Variants in NPL observed in about 807,000 individuals in gnomAD.
NPL encodes N-acetylneuraminate pyruvate lyase.
In NPL, 32 loss-of-function variants were observed where a neutral mutation model predicts 41.1. The ratio of observed to expected loss-of-function variants is 0.78; its 90% CI spans 0.59 to 1.05. The LOEUF is 1.05. Ranked by LOEUF, NPL falls within the 50% of genes least tolerant of loss-of-function variation. NPL has a pLI of 0.00. For synonymous variants in NPL, 128 were observed against 134.9 expected, an observed-to-expected ratio of 0.95 and a Z score of 0.35; for missense variants, 321 against 378.4, an observed-to-expected ratio of 0.85 and a Z score of 1.26.
intron 5 of NPL, among the ~76,000 whole-genome samples, chr1:182,810,761 A>G (rs977401199): frequency 2.0e-5 from 3 of 152,062 alleles, no homozygotes; most frequent in Non-Finnish European, 2.9e-5. Flanking sequence ...ATATTTATTA[A>G]GCATTTACTG....
At chr1:182,794,994 G>A (rs543874966) in intron 3 of NPL, among the ~76,000 whole-genome samples, 1 of 152,260 alleles carries the variant, frequency 6.6e-6, no homozygotes, top group African/African-American at 2.4e-5. Flanking sequence ...GGGCAGCGGG[G>A]GAAGGGAAGT....
chr1:182,803,864 A>C (rs938784007), intron 4 of NPL, 93 bp downstream of exon 4: 2 of 924,948 alleles, frequency 2.2e-6, no homozygotes, highest in African/African-American at 3.2e-5. Flanking sequence ...TCACACAGTC[A>C]TGGTGTCACA....
At chr1:182,797,644 C>T (rs1034852438) in intron 3 of NPL, among the ~76,000 whole-genome samples, 3 of 152,098 alleles carry the variant, frequency 2.0e-5, no homozygotes, top group Admixed American at 6.5e-5. Flanking sequence ...CTATCAAAAC[C>T]ATCCTTAGAA....
At position 182,794,389 on chromosome 1, in the gene NPL, G is replaced by A; in HGVS notation, c.18G>A (p.Lys6=). 2 of 1,614,214 alleles carry A rather than the reference G, an allele frequency of 1.2e-6. No homozygotes were observed. The highest frequency in any genetic ancestry group is 2.2e-5 in the East Asian group (1 of 44,886). ...GCAGCTCAATGGCCTTCCCAAAGAA[G>A]AAACTTCAGGGTCTTGTGGCTGCAA... The part of the protein sequence containing the change: MAFPK[K]KLQGLVAATI... Residue 6 remains lysine (K), a synonymous_variant, in exon 3 of 13, where the codon AAG becomes AAA. Coordinates refer to ENST00000367553, the MANE Select transcript of NPL (RefSeq NM_030769.3).
Position 182,825,093 on chromosome 1 carries a change from G to A in NPL, c.739-688G>A, listed in dbSNP as rs188325613. 1.8e-3 allele frequency among the ~76,000 whole-genome samples: 270 copies of A among 152,306 alleles called. 1 individual carries two copies. Among genetic ancestry groups the A allele is most frequent in the African/African-American group, 6.3e-3 (261 of 41,574 alleles). On this transcript the variant is annotated intron_variant, in intron 11 of 12. Transcript: ENST00000367553. ...TTTCAGCTGAAACCTGAGTAGCAGT[G>A]TAGAAAGGAAATCATTGAAAAACCT...
chr1:182,808,977 A>AG (rs1484310311), intron 5 of NPL, among the ~76,000 whole-genome samples: 7 of 151,372 alleles, frequency 4.6e-5, no homozygotes, highest in Non-Finnish European at 1.0e-4. Flanking sequence ...AAAAAAAAAA[A>AG]AAGTGGTGAA....
intron 3 of NPL, among the ~76,000 whole-genome samples, chr1:182,797,377 A>G (rs2102529522): frequency 6.6e-6 from 1 of 152,330 alleles, no homozygotes; most frequent in East Asian, 1.9e-4. Context: ...GGGCTGTATC[A>G]TACTACAGAT....
chr1:182,807,246 G>C (rs1446584814), intron 5 of NPL, among the ~76,000 whole-genome samples: 1 of 152,118 alleles, frequency 6.6e-6, no homozygotes, highest in Admixed American at 6.6e-5. Flanking sequence ...CCATCCGGTA[G>C]GGGTGTTAGA....
intron 11 of NPL, among the ~76,000 whole-genome samples, chr1:182,823,512 G>A (rs950241098): frequency 3.3e-5 from 5 of 152,198 alleles, no homozygotes. Flanking sequence ...CAGGAACAGG[G>A]TAGGGATCTA....
chr1:182,807,036 C>T (rs1226965061), intron 5 of NPL, among the ~76,000 whole-genome samples: 2 of 152,088 alleles, frequency 1.3e-5, no homozygotes, highest in East Asian at 1.9e-4. Context: ...GATGGGGTTT[C>T]ACTGTGTTAG....
intron 4 of NPL, 55 bp from the exon 5 acceptor site, chr1:182,806,090 G>A: frequency 1.2e-6 from 2 of 1,610,452 alleles, no homozygotes; most frequent in South Asian, 2.2e-5. Context: ...CAGACTCGGG[G>A]TTGGAGAAGC....
Position 182,794,455 on chromosome 1 carries a change from G to A in NPL, c.68+16G>A. On this transcript the variant is annotated intron_variant, in intron 3 of 12. Coordinates refer to ENST00000367553, the MANE Select transcript of NPL (RefSeq NM_030769.3). Reference sequence around the variant, plus strand: ...CTGAGAATGGGTAACTATCATTTGGGGCCTTGAGGGGATCAGTTCTCATTC... The same window carrying A: ...CTGAGAATGGGTAACTATCATTTGGAGCCTTGAGGGGATCAGTTCTCATTC... 6.2e-7 allele frequency: 1 copy of A among 1,612,482 alleles called. No homozygotes were observed. The highest frequency in any genetic ancestry group is 8.5e-7 in the Non-Finnish European group (1 of 1,178,540).
At chr1:182,812,135 G>C in intron 5 of NPL, 21 bp from the exon 6 acceptor site, 1 of 1,613,258 alleles carries the variant, frequency 6.2e-7, no homozygotes, top group Admixed American at 1.7e-5. Flanking sequence ...AAGCGATGCA[G>C]CAGTGTTTTT....
chr1:182,795,375 G>GGTCAAAAAGTTTGAACTGCCTTTAT (rs1219904700), intron 3 of NPL, among the ~76,000 whole-genome samples: 6 of 152,182 alleles, frequency 3.9e-5, no homozygotes, highest in Non-Finnish European at 8.8e-5. Context: ...TACGCACTTA[G>GGTCAAAAAGTTTGAACTGCCTTTAT]GTCAAAAAGT....
rs1212932559 is a variant in NPL, at chr1:182,829,507, T to C, written c.*599T>C. The C allele has an allele frequency of 2.7e-6, 4 of 1,502,934 alleles. No homozygotes were observed. The highest frequency in any genetic ancestry group is 3.6e-6 in the Non-Finnish European group (4 of 1,120,296). 93.1% of individuals were successfully genotyped at this position (1,502,934 alleles called of 1,614,324 possible). A position where few individuals can be genotyped will look rare whatever the true frequency, so the allele number is the denominator to read the frequency against. ...AACACTGGGTCAGGTGAGGACTTGT[T>C]TCAGTTCCTATAACTAAGTAAAGGG... On this transcript the variant is annotated 3_prime_UTR_variant, in exon 13 of 13. Coordinates refer to ENST00000367553, the MANE Select transcript of NPL (RefSeq NM_030769.3).
chr1:182,815,663 G>A (rs1667306337), intron 7 of NPL, among the ~76,000 whole-genome samples: 1 of 152,134 alleles, frequency 6.6e-6, no homozygotes, highest in Non-Finnish European at 1.5e-5. Context: ...GAGTACAGTG[G>A]CATGATCATA....
At chr1:182,812,133 C>T in intron 5 of NPL, 23 bp from the exon 6 acceptor site, 1 of 1,613,050 alleles carries the variant, frequency 6.2e-7, no homozygotes, top group Non-Finnish European at 8.5e-7. Flanking sequence ...CTAAGCGATG[C>T]AGCAGTGTTT....
At chr1:182,827,075 A>G (rs2102572157) in intron 12 of NPL, 1 of 152,330 alleles carries the variant, frequency 6.6e-6, no homozygotes, top group East Asian at 1.9e-4. Context: ...ACTGCAGTTG[A>G]CCACAGGTAA....
intron 9 of NPL, 37 bp from the exon 10 acceptor site, chr1:182,818,775 CT>C (rs1408693863): frequency 6.2e-7 from 1 of 1,613,788 alleles, no homozygotes; most frequent in Non-Finnish European, 8.5e-7. Context: ...TTCTCTTTCT[CT>C]TTTTTATACA....
Sources: gnomAD v4.1 joint callset for allele counts (sites outside exome capture counted in the v4.1 genomes callset) on GRCh38, gnomAD v4.1.1 for gene constraint, MANE v1.5 for transcripts, NCBI Gene and HGNC (gene_info 2026-07-23, HGNC 2026-07-21) for gene names.